Variants in ANK2 observed in about 807,000 individuals in gnomAD.
ANK2 encodes ankyrin-2.
ANK2 carries 83 observed loss-of-function variants against 360.5 expected under a neutral mutation model. The ratio of observed to expected loss-of-function variants is 0.23; its 90% CI spans 0.19 to 0.28. ANK2 has a LOEUF of 0.28. ANK2 is among the 10% of genes least tolerant of loss of function. ANK2 has a pLI of 1.00. For synonymous variants in ANK2, 1,740 were observed against 1,759.5 expected (o/e 0.99, Z 0.28); for missense variants, 4,201 against 4,795.7 (o/e 0.88, Z 3.66).
intron 1 of ANK2, among the ~76,000 whole-genome samples, chr4:113,056,426 T>C (rs1463505560): frequency 6.6e-6 from 1 of 152,194 alleles, no homozygotes; most frequent in East Asian, 1.9e-4. Context: ...TTCTGTCTTG[T>C]CCTGATTCAG....
intron 1 of ANK2, among the ~76,000 whole-genome samples, chr4:113,085,544 T>C (rs2084266121): frequency 1.3e-5 from 2 of 152,130 alleles, no homozygotes; most frequent in African/African-American, 4.8e-5. Flanking sequence ...CGTGACCTCA[T>C]GATCCACCTG....
intron 1 of ANK2, among the ~76,000 whole-genome samples, chr4:113,089,767 T>C (rs1297130133): frequency 1.3e-5 from 2 of 152,068 alleles, no homozygotes; most frequent in African/African-American, 4.8e-5. Context: ...GAAATTGCAG[T>C]GAGCCGAGAT....
rs542400709 is a variant in ANK2 at position 113,373,415 on chromosome 4, G to C, written c.11825G>C (p.Arg3942Pro). The change falls in exon 45 of 46, where the codon CGT becomes CCT. Residue 3942 changes from arginine (R) to proline (P), a missense_variant. Physicochemically the swap from Arg to Pro is moderately radical, Grantham distance 103 (BLOSUM62 -2). Coordinates refer to ENST00000357077, the MANE Select transcript of ANK2 (RefSeq NM_001148.6). ...GATGGCTATTCCAAAGTTATAAAGC[G>C]TGTTGTATTGAAGAGTGACACCGAG... The part of the protein sequence containing the change: ...EGDGYSKVIK[R>P]VVLKSDTEQS... The C allele has an allele frequency of 5.6e-6, 9 of 1,614,166 alleles. No individual in the cohort carries two copies. Among genetic ancestry groups the C allele is most frequent in the Non-Finnish European group, 7.6e-6 (9 of 1,180,022 alleles).
chr4:113,311,329 C>A lies in ANK2; in HGVS notation c.2623C>A (p.Leu875Ile). ...CCTAAAAGAACTGGGTGATGACTCA[C>A]TACCCAGCAGTCAGTTCCTGGATGG... Reference protein sequence around the residue: ...EDLKELGDDSLPSSQFLDGMN... With the variant: ...EDLKELGDDSIPSSQFLDGMN... Residue 875 changes from leucine (L) to isoleucine (I), a missense_variant, in exon 24 of 46, where the codon CTA (leucine) becomes ATA (isoleucine). By Grantham distance (5) the Leu-to-Ile change is conservative (BLOSUM62 2). Transcript: ENST00000357077. 3 of 1,614,120 alleles carry A rather than the reference C, an allele frequency of 1.9e-6. No homozygotes were observed. Among genetic ancestry groups the A allele is most frequent in the Non-Finnish European group, 2.5e-6 (3 of 1,179,988 alleles).
the ANK2 span, among the ~76,000 whole-genome samples, chr4:112,812,660 A>G: frequency 1.3e-5 from 2 of 152,178 alleles, no homozygotes; most frequent in Non-Finnish European, 2.9e-5. Flanking sequence ...TTCCCAGACT[A>G]CAGATTTGTG....
Position 113,353,657 on chromosome 4 carries a change from AAGACATACCCCC to A in ANK2, c.5043_5054del (p.Ile1682_Asp1685del). On this transcript the variant is annotated inframe_deletion, in exon 38 of 46. Transcript: ENST00000357077. Reference sequence around the variant, plus strand: ...GGCAGGAGCTCTGAAAAGGAAGGGAAAGACATACCCCCAGATGAGACACAGAGTACACAGAAA... The same window carrying A: ...GGCAGGAGCTCTGAAAAGGAAGGGAAAGATGAGACACAGAGTACACAGAAA... 6.2e-7 allele frequency: 1 copy of A among 1,614,080 alleles called. No homozygotes were observed. The highest frequency in any genetic ancestry group is 1.7e-4 in the Middle Eastern group (1 of 6,060).
At position 113,353,556 on chromosome 4, in the gene ANK2, C is replaced by T. The variant is rs1448255006; in HGVS notation, c.4938C>T (p.Thr1646=). ...ACTACCTTACTGATGATCTGAATAC[C>T]TGTGTGCCTCTTCCCAAAGAGCAGC... ...LVNYLTDDLN[T]CVPLPKEQLQ... Residue 1646 remains threonine, a synonymous_variant, in exon 38 of 46, where the codon ACC becomes ACT. Coordinates refer to ENST00000357077, the MANE Select transcript of ANK2 (RefSeq NM_001148.6). The T allele has an allele frequency of 3.1e-6, 5 of 1,614,022 alleles. No individual in the cohort carries two copies. Among genetic ancestry groups the T allele is most frequent in the South Asian group, 1.1e-5 (1 of 91,070 alleles).
At chr4:113,211,203 G>A (rs1215213724) in intron 4 of ANK2, among the ~76,000 whole-genome samples, 1 of 152,156 alleles carries the variant, frequency 6.6e-6, no homozygotes, top group Non-Finnish European at 1.5e-5. Context: ...GCCAGACTAG[G>A]AAAGGATTCT....
chr4:113,356,862 T>G lies in ANK2; in HGVS notation c.8244T>G (p.His2748Gln). ...DSESHLAEDR[H>Q]AVSTEAEDRS... ...AATCCCATTTAGCTGAAGACCGTCATGCTGTTTCCACTGAGGCTGAAGACA... is the reference window on the plus strand; with the variant it reads ...AATCCCATTTAGCTGAAGACCGTCAGGCTGTTTCCACTGAGGCTGAAGACA... The change falls in exon 38 of 46, where the codon CAT becomes CAG. Residue 2748 changes from histidine (H) to glutamine (Q), a missense_variant. Coordinates refer to ENST00000357077, the MANE Select transcript of ANK2 (RefSeq NM_001148.6). 1 of 1,614,066 alleles carries G rather than the reference T, an allele frequency of 6.2e-7. No individual in the cohort carries two copies. The highest frequency in any genetic ancestry group is 8.5e-7 in the Non-Finnish European group (1 of 1,179,970).
intron 2 of ANK2, among the ~76,000 whole-genome samples, chr4:112,918,595 G>T (rs1366619172): frequency 6.6e-6 from 1 of 152,180 alleles, no homozygotes; most frequent in Non-Finnish European, 1.5e-5. Flanking sequence ...TTGAAGAATA[G>T]AGAGGGGAAT....
intron 26 of ANK2, among the ~76,000 whole-genome samples, chr4:113,321,738 A>T (rs2086390890): frequency 6.6e-6 from 1 of 151,934 alleles, no homozygotes; most frequent in Admixed American, 6.6e-5. Flanking sequence ...CCAAAATGTA[A>T]GGAAAAAAAA....
chr4:112,778,485 T>G, the ANK2 span, among the ~76,000 whole-genome samples: 1 of 152,264 alleles, frequency 6.6e-6, no homozygotes, highest in Non-Finnish European at 1.5e-5. Flanking sequence ...AAATATGACT[T>G]CTAATTAACT....
chr4:113,276,361 G>A (rs530673666), intron 15 of ANK2, among the ~76,000 whole-genome samples: 5 of 152,186 alleles, frequency 3.3e-5, no homozygotes, highest in African/African-American at 1.2e-4. Flanking sequence ...GAAGGCAGAT[G>A]TGTGACTCAA....
At chr4:113,204,008 A>G (rs1372441568) in intron 4 of ANK2, among the ~76,000 whole-genome samples, 1 of 152,318 alleles carries the variant, frequency 6.6e-6, no homozygotes, top group East Asian at 1.9e-4. Context: ...AAAATGTTCA[A>G]AAAATGAAGG....
At chr4:113,070,546 C>G (rs190806486) in intron 1 of ANK2, among the ~76,000 whole-genome samples, 1 of 152,248 alleles carries the variant, frequency 6.6e-6, no homozygotes, top group East Asian at 1.9e-4. Context: ...CTTGAATTTC[C>G]TGGTTTTGGT....
At chr4:113,286,897 G>A (rs1258088687) in intron 18 of ANK2, among the ~76,000 whole-genome samples, 1 of 152,162 alleles carries the variant, frequency 6.6e-6, no homozygotes, top group African/African-American at 2.4e-5. Flanking sequence ...GGCTACCAGA[G>A]TGTGACATTG....
intron 42 of ANK2, among the ~76,000 whole-genome samples, chr4:113,369,163 A>T (rs577488458): frequency 1.3e-5 from 2 of 152,300 alleles, no homozygotes; most frequent in Admixed American, 6.5e-5. Context: ...ATCTACAAAT[A>T]CTTATGTAAA....
intron 29 of ANK2, 140 bp downstream of exon 29, chr4:113,333,348 C>T (rs979386865): frequency 8.8e-7 from 1 of 1,141,942 alleles, no homozygotes; most frequent in Non-Finnish European, 1.3e-6. Context: ...TGGTATTTTA[C>T]TACAGCAGGT....
chr4:113,112,401 G>A (rs2094388330), intron 1 of ANK2, among the ~76,000 whole-genome samples: 1 of 152,306 alleles, frequency 6.6e-6, no homozygotes, highest in African/African-American at 2.4e-5. Context: ...GATTGAGGCT[G>A]GAGTGGGGTT....
Sources: gnomAD v4.1 joint callset for allele counts (sites outside exome capture counted in the v4.1 genomes callset) on GRCh38, gnomAD v4.1.1 for gene constraint, MANE v1.5 for transcripts, NCBI Gene and HGNC (gene_info 2026-07-23, HGNC 2026-07-21) for gene names.